The following ZEB1 variants were observed in gnomAD, a reference collection of about 807,000 sequenced individuals.
ZEB1 encodes the protein zinc finger E-box binding homeobox 1.
ZEB1 carries 21 observed loss-of-function variants against 84.9 expected under a neutral mutation model. The observed-to-expected ratio is 0.25, with a 90% CI of 0.18 to 0.36. The LOEUF (loss-of-function observed/expected upper bound fraction) is 0.36, where lower values mean the gene tolerates loss of function less well. Ranked by LOEUF, ZEB1 falls within the 10% of genes least tolerant of loss-of-function variation. The pLI is 1.00. For missense variants in ZEB1, 1,104 were observed against 1,330.2 expected (o/e 0.83, Z 2.65); for synonymous variants, 420 against 471.1 (o/e 0.89, Z 1.41).
At chr10:31,383,609 G>A (rs1391460885) in intron 1 of ZEB1, among the ~76,000 whole-genome samples, 1 of 152,144 alleles carries the variant, frequency 6.6e-6, no homozygotes, top group Non-Finnish European at 1.5e-5. Context: ...TACTGGTACT[G>A]TTCAGTATGG....
At chr10:31,453,031 G>A (rs1248047380) in intron 1 of ZEB1, among the ~76,000 whole-genome samples, 4 of 152,096 alleles carry the variant, frequency 2.6e-5, no homozygotes, top group African/African-American at 9.7e-5. Flanking sequence ...TGTGGAACCA[G>A]TTTGTTAAAA....
chr10:31,444,725 G>T (rs1375044846), intron 1 of ZEB1, among the ~76,000 whole-genome samples: 1 of 152,012 alleles, frequency 6.6e-6, no homozygotes, highest in African/African-American at 2.4e-5. Context: ...GATAGTCGTA[G>T]GTATGCGGCG....
chr10:31,499,644 A>G (rs2067819414), intron 3 of ZEB1, among the ~76,000 whole-genome samples: 1 of 152,196 alleles, frequency 6.6e-6, no homozygotes, highest in Non-Finnish European at 1.5e-5. Context: ...GCACGCTTGT[A>G]ATCCCAGCTA....
intron 1 of ZEB1, among the ~76,000 whole-genome samples, chr10:31,457,455 A>T (rs2061365514): frequency 6.6e-6 from 1 of 152,158 alleles, no homozygotes; most frequent in African/African-American, 2.4e-5. Flanking sequence ...AAGACAGTAA[A>T]AATCTTGGAA....
chr10:31,360,791 A>G (rs2042900084), intron 1 of ZEB1, among the ~76,000 whole-genome samples: 1 of 152,236 alleles, frequency 6.6e-6, no homozygotes, highest in Non-Finnish European at 1.5e-5. Context: ...AAAGGTAAAT[A>G]CCTAGAAATC....
intron 1 of ZEB1, among the ~76,000 whole-genome samples, chr10:31,401,236 A>ATC (rs2051927361): frequency 6.6e-6 from 1 of 152,252 alleles, no homozygotes; most frequent in South Asian, 2.1e-4. Context: ...AAAAAGACAG[A>ATC]AAACTAATAA....
At chr10:31,319,508 C>T (rs1204918094) in intron 1 of ZEB1, 6 of 585,604 alleles carry the variant, frequency 1.0e-5, no homozygotes, top group South Asian at 6.1e-5. Flanking sequence ...ACCGTTATGT[C>T]TCTTACCTGG....
chr10:31,387,815 T>G (rs1259904697), intron 1 of ZEB1: 2 of 954,804 alleles, frequency 2.1e-6, no homozygotes, highest in Admixed American at 6.2e-5. Context: ...AATCATAAAA[T>G]TTTTTATGTC....
chr10:31,442,830 A>T (rs1298259930), intron 1 of ZEB1, among the ~76,000 whole-genome samples: 1 of 152,366 alleles, frequency 6.6e-6, no homozygotes, highest in Non-Finnish European at 1.5e-5. Flanking sequence ...ATGAGGACTG[A>T]TAATTGTCAT....
At chr10:31,495,014 A>C (rs2067017871) in intron 2 of ZEB1, among the ~76,000 whole-genome samples, 1 of 152,054 alleles carries the variant, frequency 6.6e-6, no homozygotes, top group Non-Finnish European at 1.5e-5. Flanking sequence ...TACTTTGGGC[A>C]CAGTAACATT....
rs1403022422 is a variant in ZEB1, at chr10:31,319,434, G to C, written c.58+142G>C. The stretch of plus-strand genomic sequence containing the variant: ...GTGGAGTGGGAAAGTAGAAAGTAGT[G>C]CTCTCTGCCCCCCTCCGCTGCCGCC... On this transcript the variant is annotated intron_variant, in intron 1 of 8. Coordinates refer to ENST00000424869, the MANE Select transcript of ZEB1 (RefSeq NM_001174096.2). 9.7e-5 allele frequency: 77 copies of C among 793,216 alleles called. No homozygotes were observed. The East Asian group carries it at 2.0e-3, about 21-fold the overall frequency. The allele number at this position is 793,216 out of a possible 1,614,324, so 49.1% of individuals were successfully genotyped here.
chr10:31,468,148 C>T (rs2062678516), intron 2 of ZEB1, among the ~76,000 whole-genome samples: 1 of 152,184 alleles, frequency 6.6e-6, no homozygotes, highest in Admixed American at 6.5e-5. Context: ...ACCAAGGTCA[C>T]GTCTGCCTCA....
chr10:31,520,169 C>T lies in ZEB1; in HGVS notation c.837C>T (p.Ser279=), dbSNP rs776411641. The T allele has an allele frequency of 6.2e-7, 1 of 1,613,626 alleles. No individual in the cohort carries two copies. Among genetic ancestry groups the T allele is most frequent in the Non-Finnish European group, 8.5e-7 (1 of 1,179,842 alleles). ...GCCCAAACTGCAAGAAACGCTTTTCCCATTCTGGCTCCTATAGCTCACACA... is the reference window on the plus strand; with the variant it reads ...GCCCAAACTGCAAGAAACGCTTTTCTCATTCTGGCTCCTATAGCTCACACA... ...YECPNCKKRF[S]HSGSYSSHIS... The change falls in exon 7 of 9, where the codon TCC becomes TCT. Residue 279 remains serine, a synonymous_variant. Transcript: ENST00000424869. The surrounding 1 kb of genome is among the most constrained non-coding windows in gnomAD (Gnocchi z 5.1).
chr10:31,480,973 A>T (rs2064969844), intron 2 of ZEB1, among the ~76,000 whole-genome samples: 1 of 152,072 alleles, frequency 6.6e-6, no homozygotes, highest in Non-Finnish European at 1.5e-5. Flanking sequence ...CCATAGTTAT[A>T]TAAATAAGCT....
intron 1 of ZEB1, among the ~76,000 whole-genome samples, chr10:31,401,305 A>G (rs1486340937): frequency 6.6e-6 from 1 of 152,256 alleles, no homozygotes; most frequent in Admixed American, 6.5e-5. Context: ...TTACTATTAT[A>G]CAAGTGACAC....
At chr10:31,321,614 TGAC>T in intron 1 of ZEB1, 2 of 1,604,566 alleles carry the variant, frequency 1.2e-6, no homozygotes, top group Non-Finnish European at 1.7e-6. Context: ...TTCTTGTTGC[TGAC>T]GACATGTGTG....
At chr10:31,448,017 T>A (rs1380958928) in intron 1 of ZEB1, among the ~76,000 whole-genome samples, 1 of 150,818 alleles carries the variant, frequency 6.6e-6, no homozygotes, top group African/African-American at 2.5e-5. Context: ...TTTTCCAACT[T>A]GGTTCCATTC....
chr10:31,452,742 T>TGTGAGAGAGAGA (rs1387786622), intron 1 of ZEB1, among the ~76,000 whole-genome samples: 14 of 90,810 alleles, frequency 1.5e-4, no homozygotes, highest in East Asian at 3.4e-4. Flanking sequence ...TGTGTGTGTG[T>TGTGAGAGAGAGA]GAGAGAGAGA....
chr10:31,336,068 A>C (rs776387519), intron 1 of ZEB1, among the ~76,000 whole-genome samples: 1 of 152,198 alleles, frequency 6.6e-6, no homozygotes, highest in Non-Finnish European at 1.5e-5. Flanking sequence ...TAAAGATCTA[A>C]TTAAATAGCA....
Sources: gnomAD v4.1 joint callset for allele counts (sites outside exome capture counted in the v4.1 genomes callset) on GRCh38, gnomAD v4.1.1 for gene constraint, Gnocchi (gnomAD v3.1) non-coding constraint, MANE v1.5 for transcripts, NCBI Gene and HGNC (gene_info 2026-07-23, HGNC 2026-07-21) for gene names.